COL5A2: variants seen among roughly 807,000 people sequenced by gnomAD.
COL5A2 encodes the protein collagen type V alpha 2 chain, also known as collagen alpha-2(V) chain.
A neutral mutation model predicts 208.2 loss-of-function variants in COL5A2; 23 were observed. The ratio of observed to expected loss-of-function variants is 0.11; its 90% confidence interval spans 0.08 to 0.16. The LOEUF (loss-of-function observed/expected upper bound fraction) is 0.16, where lower values mean the gene tolerates loss of function less well. COL5A2 is among the 10% of genes least tolerant of loss of function. The pLI, the probability that COL5A2 is intolerant of heterozygous loss-of-function variation, is 1.00. For synonymous variants in COL5A2, 625 were observed against 628.5 expected (o/e 0.99, Z 0.08); for missense variants, 1,590 against 1,956.4 (o/e 0.81, Z 3.53).
In COL5A2 at chr2:189,039,385, G is replaced by A; in HGVS notation, c.3812C>T (p.Thr1271Ile). The change falls in exon 51 of 54, where the codon ACC becomes ATC. Residue 1271 changes from threonine (T) to isoleucine (I), a missense_variant. Transcript: ENST00000374866. ...KNKTDPGVHA[T>I]LKSLSSQIET... is the part of the protein sequence containing the mutation. ...AATCTGACTACTGAGTGACTTCAGG[G>A]TAGCATGAACCCCTGGGTCCGTTTT... is the stretch of plus-strand genomic sequence containing the variant. The A allele has an allele frequency of 1.2e-6, 2 of 1,614,046 alleles. No individual in the cohort carries two copies. The highest frequency in any genetic ancestry group is 4.5e-5 in the East Asian group (2 of 44,856).
Position 189,058,903 on chromosome 2 carries a change from CA to C in COL5A2, c.2086-11del, listed in dbSNP as rs1685961263. The C allele has an allele frequency of 6.7e-7, 1 of 1,491,178 alleles. No individual in the cohort carries two copies. The highest frequency in any genetic ancestry group is 9.0e-7 in the Non-Finnish European group (1 of 1,116,788). 92.4% of individuals were successfully genotyped at this position (1,491,178 alleles called of 1,614,324 possible). A position where few individuals can be genotyped will look rare whatever the true frequency, so the allele number is the denominator to read the frequency against. On this transcript the variant is annotated splice_polypyrimidine_tract_variant and intron_variant, in intron 31 of 53. Coordinates refer to ENST00000374866, the MANE Select transcript of COL5A2 (RefSeq NM_000393.5). ...GATCTCCAGGAACACCCTATAAACA[CA>C]TTTTTTTTTTTTAATGGAACAAGAG... is the stretch of plus-strand genomic sequence containing the variant.
At chr2:189,110,621 C>T (rs1687242074) in intron 1 of COL5A2, among the ~76,000 whole-genome samples, 172 bp from the exon 2 acceptor site, 1 of 151,972 alleles carries the variant, frequency 6.6e-6, no homozygotes, top group Non-Finnish European at 1.5e-5. Context: ...TGTAATTCAC[C>T]ATGAAATAAT....
the COL5A2 span, among the ~76,000 whole-genome samples, chr2:189,239,670 A>G: frequency 2.2e-4 from 33 of 151,054 alleles, no homozygotes; most frequent in African/African-American, 7.0e-4. Context: ...CCTAATGCTA[A>G]ATGACGAGTT....
At chr2:189,144,439 G>C (rs948034619) in intron 1 of COL5A2, among the ~76,000 whole-genome samples, 3 of 152,034 alleles carry the variant, frequency 2.0e-5, no homozygotes, top group Non-Finnish European at 2.9e-5. Flanking sequence ...GTATAGTCAT[G>C]TATGTTAGCT....
chr2:189,219,139 T>C (rs1559148855), intron 1 of COL5A2, among the ~76,000 whole-genome samples: 1 of 152,184 alleles, frequency 6.6e-6, no homozygotes, highest in Non-Finnish European at 1.5e-5. Context: ...CACACATGTA[T>C]CAGTCAACAT....
the COL5A2 span, among the ~76,000 whole-genome samples, chr2:189,351,802 T>C: frequency 6.6e-6 from 1 of 152,106 alleles, no homozygotes; most frequent in African/African-American, 2.4e-5. Flanking sequence ...GATGGATCTG[T>C]CTCCTTTTTA....
the COL5A2 span, among the ~76,000 whole-genome samples, chr2:189,361,853 C>T: frequency 6.6e-6 from 1 of 151,902 alleles, no homozygotes; most frequent in African/African-American, 2.4e-5. Flanking sequence ...CTGATAATGA[C>T]TTACCTTTGA....
intron 1 of COL5A2, among the ~76,000 whole-genome samples, chr2:189,168,366 A>G (rs952522794): frequency 2.0e-5 from 3 of 151,924 alleles, no homozygotes; most frequent in Non-Finnish European, 2.9e-5. Context: ...GTTTGTAGCC[A>G]AAGATCAGAA....
chr2:189,124,834 C>A (rs972263590), intron 1 of COL5A2, among the ~76,000 whole-genome samples: 2 of 150,956 alleles, frequency 1.3e-5, no homozygotes, highest in Non-Finnish European at 2.9e-5. Flanking sequence ...TAGTAACGGT[C>A]AGGTTAGTCA....
At chr2:189,175,071 C>T (rs994060948) in intron 1 of COL5A2, among the ~76,000 whole-genome samples, 6 of 152,172 alleles carry the variant, frequency 3.9e-5, no homozygotes, top group African/African-American at 1.4e-4. Flanking sequence ...CTAAAAGTAG[C>T]TGACCTTTTT....
rs116250598 is a variant in COL5A2, at chr2:189,176,997, C to T, written c.97+2511G>A. 9.3e-3 allele frequency among the ~76,000 whole-genome samples: 1,421 copies of T among 152,180 alleles called. 15 individuals are homozygous for T. The highest frequency in any genetic ancestry group is 0.015 in the Non-Finnish European group (995 of 68,004). The stretch of plus-strand genomic sequence containing the variant: ...CTTTATTTATTTACTTTTATCTTCT[C>T]ATTCATATGTTTCTATCAGGCAGGC... On this transcript the variant is annotated intron_variant, in intron 1 of 53. Coordinates refer to ENST00000374866, the MANE Select transcript of COL5A2 (RefSeq NM_000393.5).
chr2:189,053,383 TA>T, intron 38 of COL5A2, 40 bp downstream of exon 38: 1 of 1,507,818 alleles, frequency 6.6e-7, no homozygotes, highest in Non-Finnish European at 9.2e-7. Context: ...TATAACAAGA[TA>T]AGTGTTTATT....
At chr2:189,055,847 T>A (rs1255592123) in intron 35 of COL5A2, among the ~76,000 whole-genome samples, 2 of 152,198 alleles carry the variant, frequency 1.3e-5, no homozygotes, top group Non-Finnish European at 2.9e-5. Flanking sequence ...AGATTTTCCC[T>A]TAAAACAAAC....
the COL5A2 span, among the ~76,000 whole-genome samples, chr2:189,393,466 T>G: frequency 6.6e-6 from 1 of 152,192 alleles, no homozygotes; most frequent in Non-Finnish European, 1.5e-5. Context: ...GAGACCCATC[T>G]TTCTATAGTT....
Position 189,052,774 on chromosome 2 carries a change from C to T in COL5A2, c.2690G>A (p.Gly897Asp). 6.2e-7 allele frequency: 1 copy of T among 1,614,154 alleles called. No individual in the cohort carries two copies. The highest frequency in any genetic ancestry group is 8.5e-7 in the Non-Finnish European group (1 of 1,180,014). The change falls in exon 40 of 54, where the codon GGT becomes GAT. Residue 897 changes from glycine (G) to aspartate (D), a missense_variant. Gly to Asp is a moderately conservative substitution (Grantham distance 94). Transcript: ENST00000374866. The stretch of plus-strand genomic sequence containing the variant: ...AGGCGGACCTTGGGTTCCTCGACCA[C>T]CTTTTAGTCCAGGAACACCATTAGG... ...HGPNGVPGLK[G>D]GRGTQGPPGA... is the part of the protein sequence containing the mutation.
chr2:189,063,227 A>G lies in COL5A2; in HGVS notation c.1814T>C (p.Ile605Thr), dbSNP rs746339285. The change falls in exon 27 of 54, where the codon ATA becomes ACA. Residue 605 changes from isoleucine to threonine, a missense_variant. Physicochemically the swap from Ile to Thr is moderately conservative, Grantham distance 89. Transcript: ENST00000374866. ...GCTCCCGGGCTGCCCTCTGATTCCT[A>G]TGGAGCCTGGAGGACCTGGACGGCC... ...EDGRPGPPGS[I>T]GIRGQPGSMG... 29 of 1,614,016 alleles carry G rather than the reference A, an allele frequency of 1.8e-5. No individual in the cohort carries two copies. Among genetic ancestry groups the G allele is most frequent in the Non-Finnish European group, 5.9e-6 (7 of 1,180,042 alleles).
At chr2:189,191,946 C>T (rs111963078) in intron 1 of COL5A2, among the ~76,000 whole-genome samples, 1 of 151,300 alleles carries the variant, frequency 6.6e-6, no homozygotes, top group South Asian at 2.1e-4. Flanking sequence ...ATTGTAGAAC[C>T]ACACCCATAT....
intron 17 of COL5A2, among the ~76,000 whole-genome samples, chr2:189,073,198 CTCTT>C (rs1686322260): frequency 6.6e-6 from 1 of 151,900 alleles, no homozygotes; most frequent in Non-Finnish European, 1.5e-5. Flanking sequence ...AATACTTTCT[CTCTT>C]TCCCTCATAA....
intron 13 of COL5A2, among the ~76,000 whole-genome samples, chr2:189,080,779 G>C (rs1179649130): frequency 6.6e-6 from 1 of 152,060 alleles, no homozygotes; most frequent in Non-Finnish European, 1.5e-5. Context: ...TACATAGTAA[G>C]AATTCAAAAT....
Sources: gnomAD v4.1 joint callset for allele counts (sites outside exome capture counted in the v4.1 genomes callset) on GRCh38, gnomAD v4.1.1 for gene constraint, MANE v1.5 for transcripts, NCBI Gene and HGNC (gene_info 2026-07-23, HGNC 2026-07-21) for gene names.